GUCD1: variants seen among roughly 807,000 people sequenced by gnomAD.
The protein encoded by GUCD1 is guanylyl cyclase domain containing 1, also known as protein GUCD1.
Under a neutral mutation model 28.3 loss-of-function variants are expected in GUCD1, and 17 were observed. That is an observed-to-expected ratio of 0.60 (90% CI 0.41 to 0.90). The LOEUF (loss-of-function observed/expected upper bound fraction) is 0.90, where lower values mean the gene tolerates loss of function less well. GUCD1 is among the 40% of genes least tolerant of loss of function. The probability of loss-of-function intolerance (pLI) is 0.00; values close to 1 mark genes in which losing one functional copy is unlikely to be tolerated. For synonymous variants in GUCD1, 129 were observed against 123.3 expected (o/e 1.05, Z -0.30); for missense variants, 279 against 305.5 (o/e 0.91, Z 0.65).
intron 4 of GUCD1, 43 bp from the exon 5 acceptor site, chr22:24,544,126 T>C: frequency 1.9e-6 from 3 of 1,590,084 alleles, no homozygotes; most frequent in East Asian, 2.2e-5. Flanking sequence ...TGGGCCCCCA[T>C]TCCCCATCCC....
In GUCD1 at chr22:24,549,522, C is replaced by CT. The variant is rs1194809212; in HGVS notation, c.44-522dup. ...TGAGGAGGAGGGACAGAGTCTTTTT[C>CT]TTTTTTTTCAACAGGGTCTTGCTCT... On this transcript the variant is annotated intron_variant, in intron 1 of 5. Transcript: ENST00000435822. 2.6e-5 allele frequency among the ~76,000 whole-genome samples: 4 copies of CT among 152,074 alleles called. No individual in the cohort carries two copies. The East Asian group carries it at 7.7e-4, about 29-fold the overall frequency.
intron 4 of GUCD1, among the ~76,000 whole-genome samples, chr22:24,544,907 C>T (rs920432409): frequency 6.6e-6 from 1 of 152,090 alleles, no homozygotes; most frequent in Non-Finnish European, 1.5e-5. Context: ...GTGGTTCCAG[C>T]TACTCGGGAG....
intron 3 of GUCD1, 72 bp from the exon 4 acceptor site, chr22:24,547,077 AAG>A: frequency 8.3e-7 from 1 of 1,202,908 alleles, no homozygotes; most frequent in Non-Finnish European, 1.2e-6. Context: ...GAAGGAAATA[AAG>A]AGCGTGTTAC....
intron 3 of GUCD1, chr22:24,547,359 G>C (rs958305924): frequency 7.8e-6 from 2 of 256,998 alleles, no homozygotes; most frequent in Non-Finnish European, 1.5e-5. Flanking sequence ...TGAACCACCT[G>C]GGACAGCTCA....
chr22:24,542,969 TG>T lies in GUCD1; in HGVS notation c.*36del. The T allele has an allele frequency of 6.8e-7, 1 of 1,481,356 alleles. No individual in the cohort carries two copies. The allele number at this position is 1,481,356 out of a possible 1,614,324, so 91.8% of individuals were successfully genotyped here. On this transcript the variant is annotated 3_prime_UTR_variant, in exon 6 of 6. Transcript: ENST00000435822. ...TGAGCGGGCCCGGCTGGGGTGGGGA[TG>T]GGGTCCGAGGGCCTAGGCGCACCAG... is the stretch of plus-strand genomic sequence containing the variant.
intron 1 of GUCD1, among the ~76,000 whole-genome samples, chr22:24,549,277 C>G (rs1023997173): frequency 6.6e-6 from 1 of 152,248 alleles, no homozygotes; most frequent in Non-Finnish European, 1.5e-5. Flanking sequence ...TGCCCTAGCA[C>G]CCTCTGCACC....
At chr22:24,550,133 T>C (rs2044834222) in intron 1 of GUCD1, among the ~76,000 whole-genome samples, 1 of 152,232 alleles carries the variant, frequency 6.6e-6, no homozygotes, top group Non-Finnish European at 1.5e-5. Context: ...GCTGGCTGGC[T>C]GTGGGCTGGG....
intron 1 of GUCD1, among the ~76,000 whole-genome samples, chr22:24,550,554 GC>G (rs1420766206): frequency 6.6e-6 from 1 of 151,996 alleles, no homozygotes; most frequent in Non-Finnish European, 1.5e-5. Context: ...TGAAAACCTT[GC>G]CCACATTGTT....
At chr22:24,555,729 A>T, upstream of GUCD1, 3 of 1,550,634 alleles carry the variant, frequency 1.9e-6, no homozygotes, top group Non-Finnish European at 2.6e-6. Context: ...CTTGCCGTCC[A>T]GCCTGTCCTT....
At chr22:24,554,811 C>T in intron 1 of GUCD1, 138 bp downstream of exon 1, 1 of 645,322 alleles carries the variant, frequency 1.5e-6, no homozygotes, top group Non-Finnish European at 2.7e-6. Flanking sequence ...GTCAGGAAAC[C>T]CCCACTGACT....
rs1211391850 is a variant in GUCD1 at position 24,542,881 on chromosome 22, A to G, written c.*125T>C. The stretch of plus-strand genomic sequence containing the variant: ...CTCCGAGTTCCTGGGACTCTGCCAG[A>G]TGGGCTGAGGCTGCAGTTCCACATT... On this transcript the variant is annotated 3_prime_UTR_variant, in exon 6 of 6. Coordinates refer to ENST00000435822, the MANE Select transcript of GUCD1 (RefSeq NM_001284254.2). 108 of 705,364 alleles carry G rather than the reference A, an allele frequency of 1.5e-4. 1 individual carries two copies. The highest frequency in any genetic ancestry group is 3.8e-5 in the Non-Finnish European group (15 of 390,300). The allele number at this position is 705,364 out of a possible 1,614,324, so 43.7% of individuals were successfully genotyped here.
At chr22:24,551,699 G>C (rs534977448) in intron 1 of GUCD1, among the ~76,000 whole-genome samples, 1 of 152,276 alleles carries the variant, frequency 6.6e-6, no homozygotes, top group East Asian at 1.9e-4. Flanking sequence ...GAGAAACGAG[G>C]GAACTCTCCT....
chr22:24,546,857 G>A (rs2044740438), intron 4 of GUCD1, 57 bp downstream of exon 4: 3 of 1,451,000 alleles, frequency 2.1e-6, no homozygotes, highest in Admixed American at 3.3e-5. Context: ...CCCCACTGCA[G>A]ATCTGTGGGT....
rs566611031 is a variant in GUCD1 at position 24,541,843 on chromosome 22, G to A, written c.*1163C>T. On this transcript the variant is annotated 3_prime_UTR_variant, in exon 6 of 6. Coordinates refer to ENST00000435822, the MANE Select transcript of GUCD1 (RefSeq NM_001284254.2). ...AGCTGGCTAACTGCCCTGTGCAGAGGTGTTAGTGGTTCCAAAGTACCTTCA... is the reference window on the plus strand; with the variant it reads ...AGCTGGCTAACTGCCCTGTGCAGAGATGTTAGTGGTTCCAAAGTACCTTCA... The A allele has an allele frequency of 6.6e-6, 1 of 152,196 alleles. No homozygotes were observed. Among genetic ancestry groups the A allele is most frequent in the Admixed American group, 6.5e-5 (1 of 15,282 alleles). The allele number at this position is 152,196 out of a possible 1,614,324, so 9.4% of individuals were successfully genotyped here.
chr22:24,545,040 A>G (rs1476396105), intron 4 of GUCD1, among the ~76,000 whole-genome samples: 1 of 151,660 alleles, frequency 6.6e-6, no homozygotes, highest in African/African-American at 2.4e-5. Flanking sequence ...AAAAAAAAGA[A>G]AAGAAAAGAA....
At chr22:24,553,777 C>T (rs2044947386) in intron 1 of GUCD1, among the ~76,000 whole-genome samples, 1 of 152,270 alleles carries the variant, frequency 6.6e-6, no homozygotes, top group South Asian at 2.1e-4. Flanking sequence ...CTCTAGAACT[C>T]CTTGATCCTG....
chr22:24,548,035 G>A lies in GUCD1; in HGVS notation c.167C>T (p.Ala56Val), dbSNP rs1569013659. The change falls in exon 3 of 6, where the codon GCC becomes GTC. Residue 56 changes from alanine (A) to valine (V), a missense_variant. Physicochemically the swap from Ala to Val is moderately conservative, Grantham distance 64 (BLOSUM62 0). Transcript: ENST00000435822. ...GQLDDSEFER[A>V]LQKLQLTRSI... ...CCTGGTCAGCTGCAGCTTCTGCAGGGCTCTCTCAAACTCACTGTCGTCCAG... is the reference window on the plus strand; with the variant it reads ...CCTGGTCAGCTGCAGCTTCTGCAGGACTCTCTCAAACTCACTGTCGTCCAG... The A allele has an allele frequency of 1.9e-6, 3 of 1,614,082 alleles. No individual in the cohort carries two copies. Among genetic ancestry groups the A allele is most frequent in the Admixed American group, 3.3e-5 (2 of 60,014 alleles).
upstream of GUCD1, chr22:24,555,845 C>T: frequency 6.5e-7 from 1 of 1,541,062 alleles, no homozygotes. Flanking sequence ...TTTCCGGTGC[C>T]GGAACTATCG....
Position 24,546,867 on chromosome 22 carries a change from T to G in GUCD1, c.386+47A>C, listed in dbSNP as rs202103608. ...GGCCTCCCCACTGCAGATCTGTGGG[T>G]GAGCAGGCATGAGAGGAAGGGCAGG... is the stretch of plus-strand genomic sequence containing the variant. On this transcript the variant is annotated intron_variant, in intron 4 of 5. Coordinates refer to ENST00000435822, the MANE Select transcript of GUCD1 (RefSeq NM_001284254.2). The G allele has an allele frequency of 1.2e-5, 18 of 1,504,758 alleles. No individual in the cohort carries two copies. The East Asian group carries it at 3.4e-4, about 28-fold the overall frequency. 93.2% of individuals were successfully genotyped at this position (1,504,758 alleles called of 1,614,324 possible). A position where few individuals can be genotyped will look rare whatever the true frequency, so the allele number is the denominator to read the frequency against.
Sources: gnomAD v4.1 joint callset for allele counts (sites outside exome capture counted in the v4.1 genomes callset) on GRCh38, gnomAD v4.1.1 for gene constraint, MANE v1.5 for transcripts, NCBI Gene and HGNC (gene_info 2026-07-23, HGNC 2026-07-21) for gene names.